LAPTM4B: variants seen among roughly 807,000 people sequenced by gnomAD.
The protein encoded by LAPTM4B is lysosomal protein transmembrane 4 beta, also known as lysosomal-associated transmembrane protein 4B.
A neutral mutation model predicts 28.5 loss-of-function variants in LAPTM4B; 26 were observed. The observed-to-expected ratio is 0.91, with a 90% CI of 0.67 to 1.27. The LOEUF (loss-of-function observed/expected upper bound fraction) is 1.27. LAPTM4B is among the 50% of genes most tolerant of loss of function. The pLI, the probability that LAPTM4B is intolerant of heterozygous loss-of-function variation, is 0.00. For missense variants in LAPTM4B, 288 were observed against 285.8 expected (o/e 1.01, Z -0.06); for synonymous variants, 109 against 106.4 (o/e 1.02, Z -0.15).
rs367579834 is a variant in LAPTM4B, at chr8:97,777,404, C to T, written c.99+1296C>T. Among the ~76,000 whole-genome samples the T allele has an allele frequency of 2.6e-5, 4 of 152,002 alleles. No homozygotes were observed. In the East Asian group the frequency reaches 7.7e-4, roughly 29 times the overall value. On this transcript the variant is annotated intron_variant, in intron 1 of 6. Transcript: ENST00000521545. Reference sequence around the variant, plus strand: ...CTCGTGATTCGCCCGCCTTGGACTCCCAAAGTGCTGAGATTACAGGCGTGA... The same window carrying T: ...CTCGTGATTCGCCCGCCTTGGACTCTCAAAGTGCTGAGATTACAGGCGTGA...
rs777507821 is a variant in LAPTM4B at position 97,815,346 on chromosome 8, C to T, written c.230C>T (p.Ala77Val). 5.6e-6 allele frequency: 9 copies of T among 1,613,902 alleles called. No homozygotes were observed. Among genetic ancestry groups the T allele is most frequent in the Admixed American group, 3.3e-5 (2 of 60,014 alleles). The change falls in exon 3 of 7, where the codon GCG becomes GTG. Residue 77 changes from alanine (A) to valine (V), a missense_variant. Transcript: ENST00000521545. ...MDDANMCIAIAISLLMILICA... is the reference protein window; with the variant it reads ...MDDANMCIAIVISLLMILICA... ...TCGGCAGACATGTGCATTGCCATTG[C>T]GATTTCTCTTCTCATGATCCTGATA...
rs142307746 is a variant in LAPTM4B, at chr8:97,810,373, A to G, written c.211+4909A>G. Among the ~76,000 whole-genome samples the G allele has an allele frequency of 4.9e-3, 637 of 130,222 alleles. 3 individuals are homozygous for G. The highest frequency in any genetic ancestry group is 0.016 in the African/African-American group (584 of 37,544). The allele number at this position is 130,222 out of a possible 152,430, so 85.4% of individuals were successfully genotyped here. ...TTGAAGGGGAACAGGTAAAATTCAA[A>G]TTAGTTGTACAGTTTAATTAACAGT... is the stretch of plus-strand genomic sequence containing the variant. On this transcript the variant is annotated intron_variant, in intron 2 of 6. Transcript: ENST00000521545.
intron 2 of LAPTM4B, among the ~76,000 whole-genome samples, chr8:97,814,234 G>C (rs1483782484): frequency 6.6e-6 from 1 of 152,174 alleles, no homozygotes; most frequent in Non-Finnish European, 1.5e-5. Context: ...TGAAGGCCAG[G>C]CATGGTGGCT....
chr8:97,810,006 T>C (rs1816803349), intron 2 of LAPTM4B, among the ~76,000 whole-genome samples: 1 of 152,178 alleles, frequency 6.6e-6, no homozygotes, highest in Non-Finnish European at 1.5e-5. Flanking sequence ...CTGGGCTTAC[T>C]GCAATCCCTA....
At chr8:97,830,264 C>T (rs949076019) in intron 6 of LAPTM4B, among the ~76,000 whole-genome samples, 1 of 152,026 alleles carries the variant, frequency 6.6e-6, no homozygotes, top group East Asian at 1.9e-4. Context: ...AGCAGGAGAA[C>T]GGGAGTGAGA....
rs907788710 is a variant in LAPTM4B at position 97,775,832 on chromosome 8, C to G, written c.-178C>G. Reference sequence around the variant, plus strand: ...TCGCCTTCGGAGCGAAGGGTACCGACCCGGCAGAAGCTCGGAGCTCTCGGG... The same window carrying G: ...TCGCCTTCGGAGCGAAGGGTACCGAGCCGGCAGAAGCTCGGAGCTCTCGGG... On this transcript the variant is annotated 5_prime_UTR_variant, in exon 1 of 7. Transcript: ENST00000521545. 1.9e-6 allele frequency: 3 copies of G among 1,551,484 alleles called. No homozygotes were observed. Among genetic ancestry groups the G allele is most frequent in the Admixed American group, 1.9e-5 (1 of 52,678 alleles).
At chr8:97,811,995 G>A (rs988404835) in intron 2 of LAPTM4B, among the ~76,000 whole-genome samples, 2 of 151,642 alleles carry the variant, frequency 1.3e-5, no homozygotes, top group Admixed American at 6.6e-5. Flanking sequence ...TAGTAGAGAC[G>A]GGGTTTTGCC....
At chr8:97,806,883 AGGTGGC>A (rs1816762221) in intron 2 of LAPTM4B, among the ~76,000 whole-genome samples, 1 of 152,044 alleles carries the variant, frequency 6.6e-6, no homozygotes, top group Non-Finnish European at 1.5e-5. Flanking sequence ...CTTGAACCCC[AGGTGGC>A]GGAGGTTGCA....
intron 6 of LAPTM4B, among the ~76,000 whole-genome samples, chr8:97,835,661 T>C (rs2513968): frequency 0.47 from 71,285 of 152,016 alleles, 17,002 homozygotes; most frequent in East Asian, 0.58. Context: ...TAACAAGGTG[T>C]CCTTTTTTGA....
intron 6 of LAPTM4B, among the ~76,000 whole-genome samples, chr8:97,846,440 G>C (rs557794459): frequency 1.1e-4 from 16 of 151,300 alleles, no homozygotes; most frequent in African/African-American, 3.9e-4. Context: ...CAATCCTACT[G>C]CGTCAGCCTC....
At chr8:97,796,781 A>G (rs1355116326) in intron 1 of LAPTM4B, among the ~76,000 whole-genome samples, 1 of 152,040 alleles carries the variant, frequency 6.6e-6, no homozygotes, top group Non-Finnish European at 1.5e-5. Flanking sequence ...CTCTACTAAA[A>G]ATACAAAAAT....
rs370897978 is a variant in LAPTM4B at position 97,816,063 on chromosome 8, C to T, written c.291C>T (p.Arg97=). Residue 97 remains arginine (R), a synonymous_variant, in exon 4 of 7, where the codon CGC becomes CGT. Transcript: ENST00000521545. The part of the protein sequence containing the change: ...AMATYGAYKQ[R]AAWIIPFFCY... Reference sequence around the variant, plus strand: ...CTATTTTCTGTTCTGTTTAGCAACGCGCAGCCTGGATCATCCCATTCTTCT... The same window carrying T: ...CTATTTTCTGTTCTGTTTAGCAACGTGCAGCCTGGATCATCCCATTCTTCT... 643 of 1,610,254 alleles carry T rather than the reference C, an allele frequency of 4.0e-4. 10 individuals are homozygous for T. The South Asian group carries it at 6.3e-3, about 16-fold the overall frequency.
intron 1 of LAPTM4B, among the ~76,000 whole-genome samples, chr8:97,783,816 T>C (rs778450435): frequency 1.3e-5 from 2 of 152,220 alleles, no homozygotes; most frequent in Non-Finnish European, 2.9e-5. Context: ...CAGAAAGACA[T>C]TAAAACTTAA....
chr8:97,782,279 CTTTTTTTTTTTTTT>C lies in LAPTM4B; in HGVS notation c.99+6185_99+6198del, dbSNP rs34322160. Among the ~76,000 whole-genome samples the C allele has an allele frequency of 3.4e-4, 17 of 50,256 alleles. No individual in the cohort carries two copies. The East Asian group carries it at 0.013, about 38-fold the overall frequency. The allele number at this position is 50,256 out of a possible 152,430, so 33.0% of individuals were successfully genotyped here. On this transcript the variant is annotated intron_variant, in intron 1 of 6. Transcript: ENST00000521545. The stretch of plus-strand genomic sequence containing the variant: ...TACAGGCCTGAGCCACCATGCCCAG[CTTTTTTTTTTTTTT>C]TTTTTTTTTTTTTGTGACAAGATCT...
intron 5 of LAPTM4B, among the ~76,000 whole-genome samples, chr8:97,823,901 G>A (rs1163397551): frequency 6.6e-6 from 1 of 150,402 alleles, no homozygotes; most frequent in Non-Finnish European, 1.5e-5. Flanking sequence ...GTTTCACTGT[G>A]TTGCCCAGGC....
chr8:97,787,583 C>T (rs1001113015), intron 1 of LAPTM4B, among the ~76,000 whole-genome samples: 3 of 152,110 alleles, frequency 2.0e-5, no homozygotes, highest in Admixed American at 6.6e-5. Flanking sequence ...TGTGCTTGGC[C>T]GATTTCTTTT....
chr8:97,849,662 TCG>T (rs1817489692), intron 6 of LAPTM4B, among the ~76,000 whole-genome samples: 1 of 152,232 alleles, frequency 6.6e-6, no homozygotes, highest in Non-Finnish European at 1.5e-5. Context: ...TGGCCAGTTA[TCG>T]GCTTCTTGCA....
At chr8:97,802,205 A>G (rs1326009743) in intron 1 of LAPTM4B, among the ~76,000 whole-genome samples, 1 of 152,212 alleles carries the variant, frequency 6.6e-6, no homozygotes, top group African/African-American at 2.4e-5. Context: ...GTAAAGAAAC[A>G]AAAGAATGGT....
chr8:97,800,850 G>A (rs1481042260), intron 1 of LAPTM4B, among the ~76,000 whole-genome samples: 2 of 151,948 alleles, frequency 1.3e-5, no homozygotes, highest in Non-Finnish European at 2.9e-5. Context: ...GGTGGCTCGC[G>A]CATTTAATCC....
Sources: gnomAD v4.1 joint callset for allele counts (sites outside exome capture counted in the v4.1 genomes callset) on GRCh38, gnomAD v4.1.1 for gene constraint, MANE v1.5 for transcripts, NCBI Gene and HGNC (gene_info 2026-07-23, HGNC 2026-07-21) for gene names.